The following KIF1B variants were observed in gnomAD, a reference collection of about 807,000 sequenced individuals.
KIF1B encodes the protein kinesin-like protein KIF1B.
KIF1B carries 76 observed loss-of-function variants against 241.9 expected under a neutral mutation model. The observed-to-expected ratio is 0.31, with a 90% confidence interval of 0.26 to 0.38. KIF1B has a LOEUF of 0.38. KIF1B is among the 10% of genes least tolerant of loss of function. The probability of loss-of-function intolerance (pLI) is 1.00; values close to 1 mark genes in which losing one functional copy is unlikely to be tolerated. For synonymous variants in KIF1B, 750 were observed against 796.7 expected (o/e 0.94, Z 0.99); for missense variants, 1,622 against 2,271.4 (o/e 0.71, Z 5.81).
At chr1:10,316,311 A>G (rs1651302920) in intron 22 of KIF1B, among the ~76,000 whole-genome samples, 1 of 151,586 alleles carries the variant, frequency 6.6e-6, no homozygotes, top group South Asian at 2.1e-4. Flanking sequence ...ATAAAATGTC[A>G]GTTTGTCCTA....
chr1:10,307,398 C>T, intron 22 of KIF1B: 1 of 598,922 alleles, frequency 1.7e-6, no homozygotes, highest in South Asian at 7.5e-5. Context: ...CAACCTCTGC[C>T]TCCTGGGTTC....
chr1:10,271,961 CAG>C (rs750440155), intron 8 of KIF1B, among the ~76,000 whole-genome samples: 25 of 152,280 alleles, frequency 1.6e-4, no homozygotes, highest in Non-Finnish European at 2.5e-4. Context: ...GATGTGAGAA[CAG>C]AAATTTCATG....
At chr1:10,238,395 A>G (rs1647086376) in intron 2 of KIF1B, among the ~76,000 whole-genome samples, 1 of 151,020 alleles carries the variant, frequency 6.6e-6, no homozygotes, top group African/African-American at 2.4e-5. Flanking sequence ...AAAAAAAAAA[A>G]AAAAAATACA....
Position 10,323,894 on chromosome 1 carries a change from A to G in KIF1B, c.2369A>G (p.Gln790Arg). The G allele has an allele frequency of 6.2e-7, 1 of 1,613,900 alleles. No individual in the cohort carries two copies. The highest frequency in any genetic ancestry group is 8.5e-7 in the Non-Finnish European group (1 of 1,179,798). Residue 790 changes from glutamine (Q) to arginine (R), a missense_variant, in exon 25 of 49, where the codon CAG becomes CGG. Coordinates refer to ENST00000676179, the MANE Select transcript of KIF1B (RefSeq NM_001365951.3). Reference protein sequence around the residue: ...SVELKKKVQFQFVLLTDTLYS... With the variant: ...SVELKKKVQFRFVLLTDTLYS... ...ATTCTTTCTATTCAGGTGCAGTTTC[A>G]GTTTGTTCTGCTGACTGACACACTG...
chr1:10,295,291 C>G, intron 18 of KIF1B, 126 bp downstream of exon 18: 1 of 715,748 alleles, frequency 1.4e-6, no homozygotes, highest in African/African-American at 1.7e-5. Context: ...GAAATAGTTA[C>G]AAACTATGCT....
At position 10,337,041 on chromosome 1, in the gene KIF1B, T is replaced by C; in HGVS notation, c.3130-33T>C. The C allele has an allele frequency of 1.2e-6, 2 of 1,614,028 alleles. No homozygotes were observed. The highest frequency in any genetic ancestry group is 1.1e-5 in the South Asian group (1 of 91,036). On this transcript the variant is annotated intron_variant, in intron 29 of 48. Coordinates refer to ENST00000676179, the MANE Select transcript of KIF1B (RefSeq NM_001365951.3). The surrounding 1 kb of genome is among the most constrained non-coding windows in gnomAD (Gnocchi z 4.0). The stretch of plus-strand genomic sequence containing the variant: ...GGGGAAAAATACGTTTTTATACTAC[T>C]TTACCATGTATCTGCCCCTGCCTTT...
chr1:10,304,255 G>A (rs138552473), intron 22 of KIF1B: 1 of 1,614,212 alleles, frequency 6.2e-7, no homozygotes, highest in African/African-American at 1.3e-5. Flanking sequence ...GGGCTCTCAA[G>A]GAATGAGAAG....
rs746693804 is a variant in KIF1B at position 10,337,124 on chromosome 1, G to A, written c.3180G>A (p.Glu1060=). ...AMTRSGLSLE[E]LRIVEGQGQS... Reference sequence around the variant, plus strand: ...CTCGTTCTGGTCTGTCCTTGGAGGAGTTGAGGATTGTGGAAGGACAGGGTC... The same window carrying A: ...CTCGTTCTGGTCTGTCCTTGGAGGAATTGAGGATTGTGGAAGGACAGGGTC... The change falls in exon 30 of 49, where the codon GAG becomes GAA. Residue 1060 remains glutamate, a synonymous_variant. Coordinates refer to ENST00000676179, the MANE Select transcript of KIF1B (RefSeq NM_001365951.3). This position sits in a 1 kb window ranked among gnomAD's most constrained non-coding sequence, Gnocchi z 4.0. 4 of 1,614,180 alleles carry A rather than the reference G, an allele frequency of 2.5e-6. No individual in the cohort carries two copies. In the Admixed American group the frequency reaches 5.0e-5, roughly 20 times the overall value.
rs532770209 is a variant in KIF1B, at chr1:10,333,621, G to A, written c.2925-899G>A. Among the ~76,000 whole-genome samples the A allele has an allele frequency of 5.3e-5, 8 of 152,102 alleles. 2 individuals carry two copies. The highest frequency in any genetic ancestry group is 1.9e-4 in the African/African-American group (8 of 41,494). On this transcript the variant is annotated intron_variant, in intron 27 of 48. Coordinates refer to ENST00000676179, the MANE Select transcript of KIF1B (RefSeq NM_001365951.3). ...GCAGGAGAGTGGCGTGAACCTGGGA[G>A]GCAGAGCTTGCAGTGAGCCGAGACT...
rs1638834369 is a variant in KIF1B, at chr1:10,374,633, T to G, written c.5096+168T>G. Among the ~76,000 whole-genome samples, 1 of 152,166 alleles carries G rather than the reference T, an allele frequency of 6.6e-6. No homozygotes were observed. Among genetic ancestry groups the G allele is most frequent in the Non-Finnish European group, 1.5e-5 (1 of 68,032 alleles). ...AGAGGGCCAGCCTGGGTTTCTCCAG[T>G]TGGGTCTCATAATGCATCTGCACCC... On this transcript the variant is annotated intron_variant, in intron 46 of 48. Transcript: ENST00000676179. The surrounding 1 kb of genome is among the most constrained non-coding windows in gnomAD (Gnocchi z 4.3).
chr1:10,277,923 T>A, intron 12 of KIF1B, 63 bp from the exon 13 acceptor site: 1 of 1,395,938 alleles, frequency 7.2e-7, no homozygotes, highest in South Asian at 1.2e-5. Context: ...GATAATAGTA[T>A]GTTACTTATG....
Position 10,213,488 on chromosome 1 carries a change from A to G in KIF1B, c.-80+2610A>G, listed in dbSNP as rs1646723805. 2.6e-5 allele frequency among the ~76,000 whole-genome samples: 4 copies of G among 152,102 alleles called. No individual in the cohort carries two copies. The South Asian group carries it at 6.2e-4, about 24-fold the overall frequency. On this transcript the variant is annotated intron_variant, in intron 1 of 48. Transcript: ENST00000676179. ...TCTTAAGGCCAAAGCTTTTTAGCCC[A>G]TTTTCTCACTGTGGTCTTGTCCTGG...
chr1:10,249,974 T>A (rs1292848605), intron 2 of KIF1B, among the ~76,000 whole-genome samples: 18 of 149,940 alleles, frequency 1.2e-4, no homozygotes, highest in Admixed American at 1.1e-3. Context: ...CTTTTTTTGT[T>A]GTTGCTTTTT....
At chr1:10,239,076 G>A (rs1266395379) in intron 2 of KIF1B, among the ~76,000 whole-genome samples, 19 of 152,060 alleles carry the variant, frequency 1.2e-4, no homozygotes, top group Admixed American at 1.2e-3. Flanking sequence ...AGCCTCTCCA[G>A]TAGCTGGGAC....
At chr1:10,319,257 A>G (rs949230348) in intron 22 of KIF1B, among the ~76,000 whole-genome samples, 13 of 152,092 alleles carry the variant, frequency 8.5e-5, no homozygotes, top group Non-Finnish European at 8.8e-5. Flanking sequence ...ACGTGCCACC[A>G]TGGCCAGCTA....
At chr1:10,286,076 G>T (rs1649678161) in intron 15 of KIF1B, among the ~76,000 whole-genome samples, 1 of 151,068 alleles carries the variant, frequency 6.6e-6, no homozygotes, top group African/African-American at 2.4e-5. Flanking sequence ...GTCTTGCTCT[G>T]TTGCCCAGGC....
intron 43 of KIF1B, among the ~76,000 whole-genome samples, chr1:10,367,563 C>T (rs1307990456): frequency 6.8e-6 from 1 of 146,714 alleles, no homozygotes; most frequent in East Asian, 2.0e-4. Context: ...GAGATGGAGT[C>T]TTGCTCTGTG....
intron 38 of KIF1B, among the ~76,000 whole-genome samples, chr1:10,359,945 A>G (rs1362001260): frequency 1.3e-5 from 2 of 152,252 alleles, no homozygotes; most frequent in Non-Finnish European, 2.9e-5. Context: ...AGTCAAGAGA[A>G]TCGCTTGAAC....
intron 48 of KIF1B, 87 bp downstream of exon 48, chr1:10,375,460 C>A: frequency 1.9e-6 from 2 of 1,047,768 alleles, no homozygotes; most frequent in Non-Finnish European, 1.5e-6. Context: ...TCTTGGCTCA[C>A]TGCAACCTCC....
Sources: gnomAD v4.1 joint callset for allele counts (sites outside exome capture counted in the v4.1 genomes callset) on GRCh38, gnomAD v4.1.1 for gene constraint, Gnocchi (gnomAD v3.1) non-coding constraint, MANE v1.5 for transcripts, NCBI Gene and HGNC (gene_info 2026-07-23, HGNC 2026-07-21) for gene names.